IFRD1: variants seen among roughly 807,000 people sequenced by gnomAD.
IFRD1 encodes the protein interferon related developmental regulator 1.
IFRD1 carries 35 observed loss-of-function variants against 52.9 expected under a neutral mutation model. The ratio of observed to expected loss-of-function variants is 0.66; its 90% CI spans 0.51 to 0.88. The LOEUF (loss-of-function observed/expected upper bound fraction) is 0.88, where lower values mean the gene tolerates loss of function less well. Ranked by LOEUF, IFRD1 falls within the 40% of genes least tolerant of loss-of-function variation. The pLI, the probability that IFRD1 is intolerant of heterozygous loss-of-function variation, is 0.00. For synonymous variants in IFRD1, 184 were observed against 188.4 expected, an observed-to-expected ratio of 0.98 and a Z score of 0.19; for missense variants, 517 against 550.8, an observed-to-expected ratio of 0.94 and a Z score of 0.61.
intron 11 of IFRD1, among the ~76,000 whole-genome samples, chr7:112,474,614 A>C (rs1379764136): frequency 2.0e-5 from 3 of 152,194 alleles, no homozygotes; most frequent in Non-Finnish European, 4.4e-5. Context: ...ATGTATTGCC[A>C]AATTACTTTC....
At chr7:112,425,044 C>T (rs182676416) in intron 1 of IFRD1, among the ~76,000 whole-genome samples, 11 of 152,028 alleles carry the variant, frequency 7.2e-5, no homozygotes, top group African/African-American at 2.2e-4. Flanking sequence ...ACTCTGTTGC[C>T]CAGGCTGGAG....
At chr7:112,457,873 A>G (rs1372764331) in intron 4 of IFRD1, 1 of 152,208 alleles carries the variant, frequency 6.6e-6, no homozygotes, top group Non-Finnish European at 1.5e-5. Flanking sequence ...GAATGAACTA[A>G]TAAGCTTTAT....
At position 112,475,718 on chromosome 7, in the gene IFRD1, A is replaced by G. The variant is rs1022587937; in HGVS notation, c.*199A>G. 7.5e-6 allele frequency: 4 copies of G among 536,714 alleles called. No homozygotes were observed. The highest frequency in any genetic ancestry group is 3.8e-5 in the African/African-American group (2 of 52,456). 33.2% of individuals were successfully genotyped at this position (536,714 alleles called of 1,614,324 possible). A position where few individuals can be genotyped will look rare whatever the true frequency, so the allele number is the denominator to read the frequency against. Reference sequence around the variant, plus strand: ...AAATATTCTCTGTAAATCAGTAAACATGTATAAAGTATTTGTAATGTTTGG... The same window carrying G: ...AAATATTCTCTGTAAATCAGTAAACGTGTATAAAGTATTTGTAATGTTTGG... On this transcript the variant is annotated 3_prime_UTR_variant, in exon 12 of 12. Transcript: ENST00000403825.
At position 112,429,459 on chromosome 7, in the gene IFRD1, C is replaced by T. The variant is rs114304230; in HGVS notation, c.-182+6027C>T. ...GTTCCAATATTTGGAACACAGCATG[C>T]TGTCATCTGCAGTCACAGAGGTGTG... On this transcript the variant is annotated intron_variant, in intron 1 of 12. Transcript: ENST00000005558. 3.5e-3 allele frequency among the ~76,000 whole-genome samples: 531 copies of T among 152,354 alleles called. 5 individuals are homozygous for T. Among genetic ancestry groups the T allele is most frequent in the African/African-American group, 0.012 (511 of 41,580 alleles).
chr7:112,425,632 C>T (rs1794411009), intron 1 of IFRD1, among the ~76,000 whole-genome samples: 1 of 152,200 alleles, frequency 6.6e-6, no homozygotes, highest in Non-Finnish European at 1.5e-5. Context: ...CTGAGCCACA[C>T]TACCAGCTCT....
Position 112,463,880 on chromosome 7 carries a change from A to G in IFRD1, c.906+1502A>G, listed in dbSNP as rs960481114. On this transcript the variant is annotated intron_variant, in intron 8 of 11. Coordinates refer to ENST00000403825, the MANE Select transcript of IFRD1 (RefSeq NM_001550.4). Reference sequence around the variant, plus strand: ...CACACACACACACACACACACACACACACACACACACACACCCCACGTATC... The same window carrying G: ...CACACACACACACACACACACACACGCACACACACACACACCCCACGTATC... 1.3e-3 allele frequency among the ~76,000 whole-genome samples: 66 copies of G among 51,816 alleles called. 1 individual carries two copies. The highest frequency in any genetic ancestry group is 6.1e-4 in the Non-Finnish European group (12 of 19,702). The allele number at this position is 51,816 out of a possible 152,430, so 34.0% of individuals were successfully genotyped here. A position where few individuals can be genotyped will look rare whatever the true frequency, so the allele number is the denominator to read the frequency against.
At chr7:112,450,406 A>G (rs1795121725), upstream of IFRD1, 2 of 482,618 alleles carry the variant, frequency 4.1e-6, no homozygotes, top group South Asian at 2.1e-5. Flanking sequence ...CCGCCCACAG[A>G]GTGACGTCAG....
At chr7:112,441,075 A>T (rs1794872806) in intron 1 of IFRD1, among the ~76,000 whole-genome samples, 2 of 152,112 alleles carry the variant, frequency 1.3e-5, no homozygotes, top group South Asian at 4.2e-4. Context: ...GAGATTTGAG[A>T]CCGTCCTGGC....
intron 1 of IFRD1, chr7:112,435,621 G>GGTGTATGTGTGTGTGTGTGTGTGTGT (rs1794658796): frequency 9.2e-6 from 1 of 108,840 alleles, no homozygotes; most frequent in Admixed American, 1.0e-4. Context: ...ATCTGCTACA[G>GGTGTATGTGTGTGTGTGTGTGTGTGT]GTGTGTGTGT....
intron 1 of IFRD1, among the ~76,000 whole-genome samples, chr7:112,451,399 A>G (rs1254471000): frequency 6.6e-6 from 1 of 152,162 alleles, no homozygotes; most frequent in Non-Finnish European, 1.5e-5. Context: ...TCCTTCCCCT[A>G]ACTGGCACCT....
Position 112,470,368 on chromosome 7 carries a change from T to C in IFRD1, c.1042-1851T>C, listed in dbSNP as rs368312615. ...CACTTAGGTCCGTCGATTAGGTCCTTGGTGACCTTTATAAGAGCAGCTTCA... is the reference window on the plus strand; with the variant it reads ...CACTTAGGTCCGTCGATTAGGTCCTCGGTGACCTTTATAAGAGCAGCTTCA... On this transcript the variant is annotated intron_variant, in intron 9 of 11. Coordinates refer to ENST00000403825, the MANE Select transcript of IFRD1 (RefSeq NM_001550.4). Among the ~76,000 whole-genome samples, 97 of 152,296 alleles carry C rather than the reference T, an allele frequency of 6.4e-4. 1 individual carries two copies. Among genetic ancestry groups the C allele is most frequent in the Middle Eastern group, 3.4e-3 (1 of 294 alleles).
At chr7:112,475,390 A>T in intron 11 of IFRD1, 40 bp from the exon 12 acceptor site, 1 of 1,112,846 alleles carries the variant, frequency 9.0e-7, no homozygotes, top group Non-Finnish European at 1.4e-6. Context: ...AGAATATCTT[A>T]AGTCTTACTG....
intron 1 of IFRD1, among the ~76,000 whole-genome samples, chr7:112,436,460 T>A (rs6974737): frequency 0.025 from 3,854 of 152,204 alleles, 149 homozygotes; most frequent in African/African-American, 0.087. Flanking sequence ...CAGTTTTTCT[T>A]GGCCTATACA....
At position 112,455,987 on chromosome 7, in the gene IFRD1, T is replaced by C. The variant is rs1302889149; in HGVS notation, c.200-15T>C. 15 of 1,557,298 alleles carry C rather than the reference T, an allele frequency of 9.6e-6. No individual in the cohort carries two copies. Among genetic ancestry groups the C allele is most frequent in the Admixed American group, 1.7e-5 (1 of 59,952 alleles). On this transcript the variant is annotated splice_polypyrimidine_tract_variant and intron_variant, in intron 2 of 11. Coordinates refer to ENST00000403825, the MANE Select transcript of IFRD1 (RefSeq NM_001550.4). Reference sequence around the variant, plus strand: ...TTCTTTTAAATTACGATGGCTGTTTTATATTATTTCTTAGGACCAGAAGTC... The same window carrying C: ...TTCTTTTAAATTACGATGGCTGTTTCATATTATTTCTTAGGACCAGAAGTC...
intron 5 of IFRD1, among the ~76,000 whole-genome samples, chr7:112,459,243 A>G (rs570302451): frequency 6.6e-6 from 1 of 152,186 alleles, no homozygotes; most frequent in Non-Finnish European, 1.5e-5. Context: ...AGATAATTCT[A>G]TATTTATGGA....
chr7:112,429,643 C>T (rs116840946), intron 1 of IFRD1, among the ~76,000 whole-genome samples: 53 of 152,298 alleles, frequency 3.5e-4, no homozygotes, highest in Admixed American at 1.6e-3. Flanking sequence ...CATAATGTCC[C>T]GTCTGCTTCA....
chr7:112,427,907 G>A (rs1487380375), intron 1 of IFRD1, among the ~76,000 whole-genome samples: 1 of 152,140 alleles, frequency 6.6e-6, no homozygotes, highest in African/African-American at 2.4e-5. Context: ...CTATAAACAG[G>A]TCCTTTTAAC....
chr7:112,445,531 A>G (rs962910359), upstream of IFRD1, among the ~76,000 whole-genome samples: 1 of 152,218 alleles, frequency 6.6e-6, no homozygotes, highest in Admixed American at 6.5e-5. Context: ...AACAGTCTAG[A>G]ACAGTGGCAG....
chr7:112,429,371 G>A (rs1794499582), intron 1 of IFRD1, among the ~76,000 whole-genome samples: 1 of 152,182 alleles, frequency 6.6e-6, no homozygotes, highest in African/African-American at 2.4e-5. Flanking sequence ...TTAAGTCAAA[G>A]GCAATTTGCA....
Sources: allele counts gnomAD v4.1 joint callset (sites outside exome capture counted in the v4.1 genomes callset), GRCh38; gene constraint gnomAD v4.1.1; transcripts MANE v1.5; gene names NCBI Gene and HGNC (gene_info 2026-07-23, HGNC 2026-07-21).